The following PIWIL1 variants were observed in gnomAD, a reference collection of about 807,000 sequenced individuals.
PIWIL1 encodes piwi like RNA-mediated gene silencing 1.
In PIWIL1, 73 loss-of-function variants were observed where a neutral mutation model predicts 114.4. That is an observed-to-expected ratio of 0.64 (90% confidence interval 0.53 to 0.78). PIWIL1 has a LOEUF of 0.78. PIWIL1 is among the 30% of genes least tolerant of loss of function. The pLI is 0.00. For missense variants in PIWIL1, 723 were observed against 1,063.1 expected, an observed-to-expected ratio of 0.68 and a Z score of 4.45; for synonymous variants, 375 against 369.0, an observed-to-expected ratio of 1.02 and a Z score of -0.19.
chr12:130,342,998 A>G lies in PIWIL1; in HGVS notation c.87A>G (p.Gln29=), dbSNP rs2072967078. 1.2e-6 allele frequency: 2 copies of G among 1,613,630 alleles called. No individual in the cohort carries two copies. Among genetic ancestry groups the G allele is most frequent in the Non-Finnish European group, 1.7e-6 (2 of 1,179,512 alleles). The change falls in exon 3 of 21, where the codon CAA becomes CAG. Residue 29 remains glutamine (Q), a synonymous_variant. Transcript: ENST00000245255. ...AQLVGSTASQ[Q]PGYIQPRPQP... ...TTTGCATGTAACTACAGAGTCAGCA[A>G]CCTGGTTATATTCAGCCTAGGCCTC...
intron 9 of PIWIL1, 87 bp downstream of exon 9, chr12:130,350,054 T>G: frequency 1.3e-6 from 1 of 741,102 alleles, no homozygotes; most frequent in African/African-American, 1.8e-5. Flanking sequence ...TGGAACAAGT[T>G]GCGTTTAAAG....
chr12:130,349,315 C>T lies in PIWIL1; in HGVS notation c.811C>T (p.His271Tyr). ...CATCATGCTCTGCACTGACGTTAGCCATAAAGTCCTTCGAAGTGAGACTGT... is the reference window on the plus strand; with the variant it reads ...CATCATGCTCTGCACTGACGTTAGCTATAAAGTCCTTCGAAGTGAGACTGT... ...NSIMLCTDVS[H>Y]KVLRSETVLD... The change falls in exon 8 of 21, where the codon CAT becomes TAT. Residue 271 changes from histidine (H) to tyrosine (Y), a missense_variant. Physicochemically the swap from His to Tyr is moderately conservative, Grantham distance 83 (BLOSUM62 2). This residue lies in a region of PIWIL1 where 190 missense variants were observed against 294.4 expected (regional missense o/e 0.65). Transcript: ENST00000245255. 6.2e-7 allele frequency: 1 copy of T among 1,613,944 alleles called. No individual in the cohort carries two copies. The highest frequency in any genetic ancestry group is 8.5e-7 in the Non-Finnish European group (1 of 1,179,856).
downstream of PIWIL1, among the ~76,000 whole-genome samples, chr12:130,373,543 T>G (rs901905773): frequency 6.6e-6 from 1 of 152,190 alleles, no homozygotes; most frequent in Admixed American, 6.5e-5. Flanking sequence ...GGTTTTGTCA[T>G]CATCCTAGGT....
the PIWIL1 span, chr12:130,424,273 TC>T: frequency 8.1e-7 from 1 of 1,231,770 alleles, no homozygotes; most frequent in Non-Finnish European, 1.0e-6. This position sits in a 1 kb window ranked among gnomAD's most constrained non-coding sequence, Gnocchi z 9.8. Context: ...CAGCCGTGCT[TC>T]CTGGGGGGCG....
chr12:130,363,202 G>C (rs1298763340), intron 18 of PIWIL1, 58 bp downstream of exon 18: 7 of 1,510,914 alleles, frequency 4.6e-6, no homozygotes, highest in Non-Finnish European at 6.4e-6. Flanking sequence ...TTGTATCTTT[G>C]AAATTAGCAT....
chr12:130,407,339 C>T, the PIWIL1 span, among the ~76,000 whole-genome samples: 3 of 152,202 alleles, frequency 2.0e-5, no homozygotes, highest in Non-Finnish European at 4.4e-5. Flanking sequence ...CTGGTTTCCT[C>T]TCTACTGTTC....
downstream of PIWIL1, among the ~76,000 whole-genome samples, chr12:130,375,121 C>T (rs867034382): frequency 2.0e-5 from 3 of 152,120 alleles, no homozygotes; most frequent in South Asian, 6.2e-4. Context: ...TTATGCTCCC[C>T]GAGCTCCGAT....
intron 14 of PIWIL1, among the ~76,000 whole-genome samples, chr12:130,359,262 T>C (rs2136171710): frequency 6.6e-6 from 1 of 152,348 alleles, no homozygotes; most frequent in South Asian, 2.1e-4. Context: ...TAATCACATT[T>C]GGTCTAGAAT....
intron 19 of PIWIL1, among the ~76,000 whole-genome samples, chr12:130,370,804 A>G (rs2073797453): frequency 6.6e-6 from 1 of 152,180 alleles, no homozygotes. Context: ...CGCTGCCCCC[A>G]CAGGTCGTGC....
chr12:130,357,063 A>C lies in PIWIL1; in HGVS notation c.1550A>C (p.Lys517Thr), dbSNP rs770088376. ...AATTCATTGATACAAAATCTATTTA[A>C]AGTTACACCAGCCATGGGCATGCAA... Reference protein sequence around the residue: ...AANSLIQNLFKVTPAMGMQMR... With the variant: ...AANSLIQNLFTVTPAMGMQMR... The change falls in exon 13 of 21, where the codon AAA becomes ACA. Residue 517 changes from lysine to threonine, a missense_variant. Physicochemically the swap from Lys to Thr is moderately conservative, Grantham distance 78. This residue lies in a region of PIWIL1 where 298 missense variants were observed against 420.8 expected (regional missense o/e 0.71). Coordinates refer to ENST00000245255, the MANE Select transcript of PIWIL1 (RefSeq NM_004764.5). 2 of 1,613,428 alleles carry C rather than the reference A, an allele frequency of 1.2e-6. No individual in the cohort carries two copies. Among genetic ancestry groups the C allele is most frequent in the East Asian group, 2.2e-5 (1 of 44,858 alleles).
rs142628217 is a variant in PIWIL1, at chr12:130,349,309, G to A, written c.805G>A (p.Val269Ile). 6.8e-5 allele frequency: 110 copies of A among 1,613,878 alleles called. No homozygotes were observed. The highest frequency in any genetic ancestry group is 8.9e-5 in the East Asian group (4 of 44,886). Residue 269 changes from valine (V) to isoleucine (I), a missense_variant, in exon 8 of 21, where the codon GTT (valine) becomes ATT (isoleucine). Val to Ile is a conservative substitution (Grantham distance 29). Around this residue, in one of 8 missense-constraint regions of PIWIL1, gnomAD observed 190 missense variants for 294.4 expected, o/e 0.65. Coordinates refer to ENST00000245255, the MANE Select transcript of PIWIL1 (RefSeq NM_004764.5). The part of the protein sequence containing the change: ...YENSIMLCTD[V>I]SHKVLRSETV... ...AAACAGCATCATGCTCTGCACTGAC[G>A]TTAGCCATAAAGTCCTTCGAAGTGA... is the stretch of plus-strand genomic sequence containing the variant.
the PIWIL1 span, among the ~76,000 whole-genome samples, chr12:130,400,774 A>C: frequency 6.6e-6 from 1 of 152,234 alleles, no homozygotes; most frequent in Non-Finnish European, 1.5e-5. Context: ...ACATCAAAAA[A>C]CCCAATTAAA....
chr12:130,361,416 A>G (rs753855831), intron 15 of PIWIL1, 36 bp downstream of exon 15: 1 of 1,611,880 alleles, frequency 6.2e-7, no homozygotes, highest in South Asian at 1.1e-5. Flanking sequence ...CCGTTTTAAA[A>G]TTGGTATTTA....
chr12:130,369,258 T>A (rs900286808), intron 19 of PIWIL1, among the ~76,000 whole-genome samples: 1 of 152,248 alleles, frequency 6.6e-6, no homozygotes, highest in South Asian at 2.1e-4. Context: ...TAGTATTCCA[T>A]GGTGTATATA....
rs1303124711 is a variant in PIWIL1 at position 130,338,138 on chromosome 12, C to T, written c.-21C>T. On this transcript the variant is annotated 5_prime_UTR_variant, in exon 1 of 21. Transcript: ENST00000245255. ...AGGACCAGGACTAGGGCGAGGGCAG[C>T]GGTCCAAGGTGCGGGGCCAGGCTGA... 1.4e-5 allele frequency: 4 copies of T among 296,064 alleles called. No individual in the cohort carries two copies. The highest frequency in any genetic ancestry group is 5.2e-5 in the Admixed American group (1 of 19,318). The allele number at this position is 296,064 out of a possible 1,614,324, so 18.3% of individuals were successfully genotyped here. A position where few individuals can be genotyped will look rare whatever the true frequency, so the allele number is the denominator to read the frequency against.
At chr12:130,373,961 G>A (rs1314107656), downstream of PIWIL1, among the ~76,000 whole-genome samples, 2 of 152,136 alleles carry the variant, frequency 1.3e-5, no homozygotes, top group East Asian at 3.9e-4. Flanking sequence ...AAAAGCTTTA[G>A]TGTTAAACAC....
the PIWIL1 span, among the ~76,000 whole-genome samples, chr12:130,423,623 TG>T: frequency 4.1e-4 from 21 of 50,910 alleles, no homozygotes; most frequent in Admixed American, 3.9e-3. Flanking sequence ...AGAAAAGAAA[TG>T]GGAAAAAAAC....
intron 3 of PIWIL1, among the ~76,000 whole-genome samples, 192 bp downstream of exon 3, chr12:130,343,293 C>T (rs959194170): frequency 1.2e-4 from 19 of 152,148 alleles, no homozygotes; most frequent in Non-Finnish European, 2.6e-4. Context: ...ATGTATCAGT[C>T]TTCATTAATA....
At chr12:130,424,829 G>A in the PIWIL1 span, 5 of 1,232,682 alleles carry the variant, frequency 4.1e-6, no homozygotes, top group Non-Finnish European at 5.1e-6. This position sits in a 1 kb window ranked among gnomAD's most constrained non-coding sequence, Gnocchi z 9.8. Flanking sequence ...CCCAGAAAGT[G>A]CCTTCCGAGG....
Sources: gnomAD v4.1 joint callset for allele counts (sites outside exome capture counted in the v4.1 genomes callset) on GRCh38, gnomAD v4.1.1 for gene constraint, gnomAD v4.1.1 regional missense constraint, Gnocchi (gnomAD v3.1) non-coding constraint, MANE v1.5 for transcripts, NCBI Gene and HGNC (gene_info 2026-07-23, HGNC 2026-07-21) for gene names.